Variants in HEXB observed in about 807,000 individuals in gnomAD.
The protein encoded by HEXB is beta-hexosaminidase subunit beta.
HEXB carries 51 observed loss-of-function variants against 71.2 expected under a neutral mutation model. The observed-to-expected ratio is 0.72, with a 90% CI of 0.57 to 0.90. The LOEUF (loss-of-function observed/expected upper bound fraction) is 0.90. HEXB is among the 40% of genes least tolerant of loss of function. The pLI is 0.00. For synonymous variants in HEXB, 266 were observed against 249.3 expected (o/e 1.07, Z -0.63); for missense variants, 617 against 677.0 (o/e 0.91, Z 0.98).
chr5:74,668,984 A>G (rs1179638781), intron 1 of HEXB, among the ~76,000 whole-genome samples: 1 of 152,108 alleles, frequency 6.6e-6, no homozygotes, highest in Non-Finnish European at 1.5e-5. Flanking sequence ...TTTCTGAGAC[A>G]GAGTTTTGCT....
intron 5 of HEXB, among the ~76,000 whole-genome samples, chr5:74,697,858 C>T (rs1172019254): frequency 6.6e-6 from 1 of 151,788 alleles, no homozygotes; most frequent in Non-Finnish European, 1.5e-5. Flanking sequence ...CTCCTTTATA[C>T]CTAGGGAACT....
intron 1 of HEXB, among the ~76,000 whole-genome samples, chr5:74,660,642 C>G (rs1050093683): frequency 2.6e-5 from 4 of 152,240 alleles, no homozygotes; most frequent in African/African-American, 9.6e-5. Flanking sequence ...GCCTAAGCTA[C>G]CCTTGGTTGT....
chr5:74,647,310 AT>A (rs1748020128), intron 1 of HEXB, among the ~76,000 whole-genome samples: 1 of 152,262 alleles, frequency 6.6e-6, no homozygotes, highest in African/African-American at 2.4e-5. Context: ...GTCTCTAAGC[AT>A]GTCTGGGCAT....
intron 1 of HEXB, among the ~76,000 whole-genome samples, chr5:74,657,298 C>T (rs1206035085): frequency 6.6e-6 from 1 of 152,172 alleles, no homozygotes; most frequent in Non-Finnish European, 1.5e-5. Flanking sequence ...AGATACCCAC[C>T]ACTCTCCAGC....
intron 1 of HEXB, among the ~76,000 whole-genome samples, chr5:74,674,009 A>T (rs146772658): frequency 5.3e-5 from 8 of 152,318 alleles, no homozygotes; most frequent in African/African-American, 1.7e-4. Flanking sequence ...AACCACCCAG[A>T]AACACCAACT....
At chr5:74,648,891 A>T (rs1748051471) in intron 1 of HEXB, among the ~76,000 whole-genome samples, 1 of 152,192 alleles carries the variant, frequency 6.6e-6, no homozygotes, top group African/African-American at 2.4e-5. Context: ...GCCACCCTCA[A>T]CAAAACCAGG....
chr5:74,649,162 G>C (rs916752448), intron 1 of HEXB, among the ~76,000 whole-genome samples: 2 of 152,158 alleles, frequency 1.3e-5, no homozygotes, highest in African/African-American at 2.4e-5. Flanking sequence ...ATGTAATCTG[G>C]GGTCCGGCCG....
upstream of HEXB, among the ~76,000 whole-genome samples, chr5:74,683,512 C>T (rs991054192): frequency 6.6e-6 from 1 of 152,144 alleles, no homozygotes; most frequent in Non-Finnish European, 1.5e-5. Flanking sequence ...CCATGTTGGC[C>T]AGGCTGGTCT....
In HEXB at chr5:74,720,726, G is replaced by C. The variant is rs775679100; in HGVS notation, c.1592G>C (p.Arg531Thr). The C allele has an allele frequency of 1.2e-6, 2 of 1,613,928 alleles. No homozygotes were observed. Among genetic ancestry groups the C allele is most frequent in the South Asian group, 2.2e-5 (2 of 91,080 alleles). Residue 531 changes from arginine to threonine, a missense_variant, in exon 13 of 14, where the codon AGG (arginine) becomes ACG (threonine). Physicochemically the swap from Arg to Thr is moderately conservative, Grantham distance 71 (BLOSUM62 -1). Coordinates refer to ENST00000261416, the MANE Select transcript of HEXB (RefSeq NM_000521.4). ...DMDDAYDRLT[R>T]HRCRMVERGI... Reference sequence around the variant, plus strand: ...GATGACGCCTATGACAGACTGACAAGGCACCGCTGCAGGATGGTCGAGTAA... The same window carrying C: ...GATGACGCCTATGACAGACTGACAACGCACCGCTGCAGGATGGTCGAGTAA...
chr5:74,682,287 G>T (rs1748752906), upstream of HEXB, among the ~76,000 whole-genome samples: 1 of 152,258 alleles, frequency 6.6e-6, no homozygotes, highest in Non-Finnish European at 1.5e-5. Flanking sequence ...GAACCCGGGA[G>T]GCGGAGCTTG....
intron 3 of HEXB, among the ~76,000 whole-genome samples, chr5:74,695,100 T>TCAAAATAGAA (rs1749082481): frequency 6.6e-6 from 1 of 152,104 alleles, no homozygotes; most frequent in Non-Finnish European, 1.5e-5. Context: ...ATCTAGATAT[T>TCAAAATAGAA]TACTACAAAT....
chr5:74,654,449 G>A (rs1347324356), intron 1 of HEXB, among the ~76,000 whole-genome samples: 2 of 152,124 alleles, frequency 1.3e-5, no homozygotes, highest in Admixed American at 1.3e-4. Flanking sequence ...ACATTCCCAC[G>A]AGATATACTA....
At chr5:74,682,290 G>A (rs898276507), upstream of HEXB, among the ~76,000 whole-genome samples, 9 of 152,208 alleles carry the variant, frequency 5.9e-5, no homozygotes, top group African/African-American at 1.9e-4. Flanking sequence ...CCCGGGAGGC[G>A]GAGCTTGCAG....
intron 5 of HEXB, among the ~76,000 whole-genome samples, chr5:74,704,492 G>A (rs766246322): frequency 8.5e-5 from 13 of 152,172 alleles, no homozygotes; most frequent in Non-Finnish European, 1.8e-4. Context: ...GAATTGTATT[G>A]AGTTTGCAAT....
chr5:74,711,217 A>T (rs1275102657), intron 6 of HEXB, among the ~76,000 whole-genome samples: 1 of 150,202 alleles, frequency 6.7e-6, no homozygotes, highest in African/African-American at 2.5e-5. Flanking sequence ...GGTGCTGGGA[A>T]AACTGGCTAG....
In HEXB at chr5:74,685,272, CG is replaced by C; in HGVS notation, c.15del (p.Leu6TrpfsTer25). On this transcript the variant is annotated frameshift_variant, in exon 1 of 14. Coordinates refer to ENST00000261416, the MANE Select transcript of HEXB (RefSeq NM_000521.4). LOFTEE classifies it high-confidence loss of function. ...GCAGCCGAGCGGCCATGGAGCTGTGCGGGCTGGGGCTGCCCCGGCCGCCCAT... is the reference window on the plus strand; with the variant it reads ...GCAGCCGAGCGGCCATGGAGCTGTGCGGCTGGGGCTGCCCCGGCCGCCCAT... Reference protein sequence around the residue: MELCGLGLPRPPMLL... With the variant: MELCXLGLPRPPMLL... 1 of 1,535,518 alleles carries C rather than the reference CG, an allele frequency of 6.5e-7. No homozygotes were observed. The highest frequency in any genetic ancestry group is 8.7e-7 in the Non-Finnish European group (1 of 1,147,024).
At position 74,721,259 on chromosome 5, in the gene HEXB, TTTTTGAATAAAATA is replaced by T; in HGVS notation, c.*89_*102del. On this transcript the variant is annotated 3_prime_UTR_variant, in exon 14 of 14. Coordinates refer to ENST00000261416, the MANE Select transcript of HEXB (RefSeq NM_000521.4). ...CATGTAAAATAAGATATTAGACTGT[TTTTTGAATAAAATA>T]TTTTTATTGATTGAACCTTTGACCC... 1 of 1,096,014 alleles carries T rather than the reference TTTTTGAATAAAATA, an allele frequency of 9.1e-7. No individual in the cohort carries two copies. The allele number at this position is 1,096,014 out of a possible 1,614,324, so 67.9% of individuals were successfully genotyped here. A position where few individuals can be genotyped will look rare whatever the true frequency, so the allele number is the denominator to read the frequency against.
At chr5:74,695,991 A>G (rs1057280631) in intron 3 of HEXB, among the ~76,000 whole-genome samples, 4 of 152,164 alleles carry the variant, frequency 2.6e-5, no homozygotes, top group African/African-American at 9.7e-5. Flanking sequence ...CTTAACAGAA[A>G]CTTTCAGAGT....
Position 74,705,258 on chromosome 5 carries a change from C to T in HEXB, c.709C>T (p.His237Tyr). 1 of 1,612,292 alleles carries T rather than the reference C, an allele frequency of 6.2e-7. No individual in the cohort carries two copies. Among genetic ancestry groups the T allele is most frequent in the African/African-American group, 1.3e-5 (1 of 74,998 alleles). The change falls in exon 6 of 14, where the codon CAC becomes TAC. Residue 237 changes from histidine to tyrosine, a missense_variant. By Grantham distance (83) the His-to-Tyr change is moderately conservative. Transcript: ENST00000261416. The part of the protein sequence containing the change: ...AFNKFNVLHW[H>Y]IVDDQSFPYQ... ...TAATAAGTTTAATGTTCTTCACTGG[C>T]ACATAGTTGATGACCAGTCTTTCCC...
Sources: allele counts gnomAD v4.1 joint callset (sites outside exome capture counted in the v4.1 genomes callset), GRCh38; gene constraint gnomAD v4.1.1; transcripts MANE v1.5; gene names NCBI Gene and HGNC (gene_info 2026-07-23, HGNC 2026-07-21).